The following CDH18 variants were observed in gnomAD, a reference collection of about 807,000 sequenced individuals.
CDH18 encodes the protein cadherin 18.
CDH18 carries 31 observed loss-of-function variants against 67.9 expected under a neutral mutation model. The ratio of observed to expected loss-of-function variants is 0.46; its 90% CI spans 0.34 to 0.62. CDH18 has a LOEUF of 0.62. CDH18 is among the 20% of genes least tolerant of loss of function. The probability of loss-of-function intolerance (pLI) is 0.01; values close to 1 mark genes in which losing one functional copy is unlikely to be tolerated. For missense variants in CDH18, 890 were observed against 975.5 expected (o/e 0.91, Z 1.17); for synonymous variants, 362 against 347.2 (o/e 1.04, Z -0.48).
intron 2 of CDH18, among the ~76,000 whole-genome samples, chr5:20,080,745 GA>G (rs1447890410): frequency 2.2e-4 from 34 of 152,062 alleles, no homozygotes; most frequent in African/African-American, 7.7e-4. Flanking sequence ...GGAGGAGGGG[GA>G]AATAATGTAA....
At position 19,593,727 on chromosome 5, in the gene CDH18, T is replaced by C. The variant is rs796763315; in HGVS notation, c.812-2483A>G. On this transcript the variant is annotated intron_variant, in intron 6 of 12. Coordinates refer to ENST00000382275, the MANE Select transcript of CDH18 (RefSeq NM_004934.5). ...CTCCTCCTTCTTCTTCTTCTTCTTC[T>C]TCTTCTTCTTCTTCTTCTTCTTCTT... Among the ~76,000 whole-genome samples the C allele has an allele frequency of 1.3e-3, 69 of 51,918 alleles. 1 individual carries two copies. The highest frequency in any genetic ancestry group is 3.6e-3 in the East Asian group (4 of 1,108). 34.1% of individuals were successfully genotyped at this position (51,918 alleles called of 152,430 possible).
chr5:19,851,395 C>A (rs1244036075), intron 2 of CDH18, among the ~76,000 whole-genome samples: 10 of 100,834 alleles, frequency 9.9e-5, no homozygotes, highest in East Asian at 5.2e-4. Context: ...AAATAAATAA[C>A]AATAAAATTG....
intron 8 of CDH18, among the ~76,000 whole-genome samples, chr5:19,553,210 T>G (rs1028369866): frequency 6.6e-6 from 1 of 152,154 alleles, no homozygotes; most frequent in African/African-American, 2.4e-5. Flanking sequence ...TAAAGTGTAT[T>G]AGAAATGTTA....
chr5:20,403,070 C>A (rs1403784597), intron 1 of CDH18, among the ~76,000 whole-genome samples: 1 of 151,242 alleles, frequency 6.6e-6, no homozygotes, highest in African/African-American at 2.4e-5. Flanking sequence ...GTAATCCCAG[C>A]TACTTGGGAG....
At chr5:19,944,260 T>C (rs1262786993) in intron 2 of CDH18, among the ~76,000 whole-genome samples, 1 of 152,108 alleles carries the variant, frequency 6.6e-6, no homozygotes, top group Non-Finnish European at 1.5e-5. Flanking sequence ...TATAATTTAA[T>C]ATTATTACAT....
intron 1 of CDH18, among the ~76,000 whole-genome samples, chr5:20,454,727 A>T (rs1750713397): frequency 6.6e-6 from 1 of 152,094 alleles, no homozygotes; most frequent in Non-Finnish European, 1.5e-5. Flanking sequence ...AATAGCCAGA[A>T]GTTCATGTTC....
chr5:20,520,722 A>G (rs1755695266), intron 1 of CDH18, among the ~76,000 whole-genome samples: 3 of 152,214 alleles, frequency 2.0e-5, no homozygotes, highest in Non-Finnish European at 4.4e-5. Context: ...GAGATCATAA[A>G]GTAGCAGTTT....
At chr5:20,034,805 CATAG>C (rs964911725) in intron 2 of CDH18, among the ~76,000 whole-genome samples, 1 of 151,788 alleles carries the variant, frequency 6.6e-6, no homozygotes, top group Non-Finnish European at 1.5e-5. Flanking sequence ...TCTCTCTTTC[CATAG>C]ATAGATAGAT....
chr5:20,465,104 G>A (rs1000781477), intron 1 of CDH18, among the ~76,000 whole-genome samples: 1 of 152,094 alleles, frequency 6.6e-6, no homozygotes, highest in Admixed American at 6.6e-5. Context: ...TAGGAGCAGA[G>A]GCACTGAGCA....
chr5:19,597,042 A>G (rs1312307237), intron 6 of CDH18, among the ~76,000 whole-genome samples: 1 of 152,196 alleles, frequency 6.6e-6, no homozygotes, highest in Non-Finnish European at 1.5e-5. Context: ...ATCTCTTACA[A>G]GACTAGGTTA....
chr5:19,703,888 C>T (rs569303087), intron 5 of CDH18, among the ~76,000 whole-genome samples: 2 of 152,090 alleles, frequency 1.3e-5, no homozygotes, highest in South Asian at 4.1e-4. Flanking sequence ...CAGATGATGC[C>T]AGCAGGGGCT....
chr5:20,059,295 G>A (rs888637021), intron 2 of CDH18, among the ~76,000 whole-genome samples: 1 of 152,062 alleles, frequency 6.6e-6, no homozygotes, highest in Non-Finnish European at 1.5e-5. Flanking sequence ...TGGATTCATG[G>A]ATTTTTTGAA....
intron 2 of CDH18, among the ~76,000 whole-genome samples, chr5:20,143,192 T>C (rs1750378396): frequency 6.6e-6 from 1 of 151,988 alleles, no homozygotes; most frequent in African/African-American, 2.4e-5. Context: ...TTGCTAGAAA[T>C]ATAAATGTTA....
intron 1 of CDH18, among the ~76,000 whole-genome samples, chr5:20,386,366 T>C (rs1744310897): frequency 6.6e-6 from 1 of 152,202 alleles, no homozygotes; most frequent in South Asian, 2.1e-4. Context: ...TCAGCTAGAT[T>C]ATAGGAATTA....
In CDH18 at chr5:20,100,813, A is replaced by T. The variant is rs555447193; in HGVS notation, c.-517-108799T>A. On this transcript the variant is annotated intron_variant, in intron 2 of 14. Coordinates refer to the CDH18 transcript ENST00000507958. Reference sequence around the variant, plus strand: ...CCACTACACCTCTGAGAAAAAAAAAATTGTTTTCTCTTGGCATCTATCTGT... The same window carrying T: ...CCACTACACCTCTGAGAAAAAAAAATTTGTTTTCTCTTGGCATCTATCTGT... 1.3e-4 allele frequency among the ~76,000 whole-genome samples: 20 copies of T among 152,184 alleles called. No individual in the cohort carries two copies. In the South Asian group the frequency reaches 3.1e-3, roughly 24 times the overall value.
At chr5:20,133,625 G>A (rs933142290) in intron 2 of CDH18, among the ~76,000 whole-genome samples, 9 of 151,714 alleles carry the variant, frequency 5.9e-5, no homozygotes, top group South Asian at 2.1e-4. Flanking sequence ...ATGATTACGC[G>A]GTGTCTGATG....
intron 2 of CDH18, among the ~76,000 whole-genome samples, chr5:20,194,703 T>C (rs1299916930): frequency 6.6e-6 from 1 of 152,130 alleles, no homozygotes; most frequent in Non-Finnish European, 1.5e-5. Flanking sequence ...ACCATCTAGA[T>C]GTAAGGAGAA....
intron 1 of CDH18, among the ~76,000 whole-genome samples, chr5:20,500,559 T>A (rs530693829): frequency 6.6e-6 from 1 of 152,134 alleles, no homozygotes; most frequent in Non-Finnish European, 1.5e-5. Context: ...GGGAGTAAAC[T>A]GGTGATTCGT....
intron 1 of CDH18, among the ~76,000 whole-genome samples, chr5:20,548,224 T>C (rs1005828278): frequency 1.3e-5 from 2 of 150,652 alleles, no homozygotes; most frequent in Non-Finnish European, 1.5e-5. Context: ...TAATAAATTA[T>C]TTTAAAGACA....
Sources: allele counts gnomAD v4.1 joint callset (sites outside exome capture counted in the v4.1 genomes callset), GRCh38; gene constraint gnomAD v4.1.1; transcripts MANE v1.5; gene names NCBI Gene and HGNC (gene_info 2026-07-23, HGNC 2026-07-21).